Variants in KIF17 observed in about 807,000 individuals in gnomAD.
The protein encoded by KIF17 is kinesin family member 17.
A neutral mutation model predicts 96.8 loss-of-function variants in KIF17; 80 were observed. The observed-to-expected ratio is 0.83, with a 90% CI of 0.69 to 1.00. The LOEUF (loss-of-function observed/expected upper bound fraction) is 1.00. Among genes scored for constraint, KIF17 ranks in the 50% least tolerant of loss-of-function variants. The pLI is 0.00. For synonymous variants in KIF17, 567 were observed against 587.5 expected (o/e 0.97, Z 0.51); for missense variants, 1,280 against 1,372.9 (o/e 0.93, Z 1.07).
rs1297756210 is a variant in KIF17, at chr1:20,685,136, T to A, written c.2020-116A>T. ...TTCCGCCTGCTGCAGCCCCGACAGA[T>A]CACCTCCAGCTCAGGGACACCAGTG... On this transcript the variant is annotated intron_variant, in intron 9 of 14. Coordinates refer to ENST00000400463, the MANE Select transcript of KIF17 (RefSeq NM_001122819.3). The surrounding 1 kb of genome is among the most constrained non-coding windows in gnomAD (Gnocchi z 4.1). The A allele has an allele frequency of 1.3e-6, 1 of 786,462 alleles. No individual in the cohort carries two copies. Among genetic ancestry groups the A allele is most frequent in the South Asian group, 1.5e-5 (1 of 67,892 alleles). 48.7% of individuals were successfully genotyped at this position (786,462 alleles called of 1,614,324 possible).
intron 12 of KIF17, 57 bp downstream of exon 12, chr1:20,671,881 C>A: frequency 6.3e-7 from 1 of 1,591,942 alleles, no homozygotes; most frequent in Non-Finnish European, 8.5e-7. Context: ...TGCCAGTCTG[C>A]AGGATGGTAA....
chr1:20,709,626 T>C lies in KIF17; in HGVS notation c.670+13A>G, dbSNP rs376846572. 1 of 1,613,670 alleles carries C rather than the reference T, an allele frequency of 6.2e-7. No individual in the cohort carries two copies. Among genetic ancestry groups the C allele is most frequent in the Non-Finnish European group, 8.5e-7 (1 of 1,179,934 alleles). On this transcript the variant is annotated intron_variant, in intron 4 of 14. Transcript: ENST00000400463. The surrounding 1 kb of genome is among the most constrained non-coding windows in gnomAD (Gnocchi z 4.7). ...TCATCTGTCCCCCTGCCCCCAACAA[T>C]GGCCTCGCATACCCACGGCAGACAT...
chr1:20,675,566 C>T (rs373033747), intron 11 of KIF17, among the ~76,000 whole-genome samples: 3 of 152,160 alleles, frequency 2.0e-5, no homozygotes, highest in African/African-American at 7.2e-5. Flanking sequence ...GTCTTGATTA[C>T]GGTAGCTTTG....
chr1:20,663,121 G>A (rs2053466278), downstream of KIF17, among the ~76,000 whole-genome samples: 1 of 152,194 alleles, frequency 6.6e-6, no homozygotes, highest in Non-Finnish European at 1.5e-5. Context: ...CTACTCATGA[G>A]TCTGAGACAG....
In KIF17 at chr1:20,704,030, A is replaced by G. The variant is rs2054293377; in HGVS notation, c.1123+417T>C. Among the ~76,000 whole-genome samples, 1 of 152,178 alleles carries G rather than the reference A, an allele frequency of 6.6e-6. No individual in the cohort carries two copies. Among genetic ancestry groups the G allele is most frequent in the Non-Finnish European group, 1.5e-5 (1 of 68,030 alleles). On this transcript the variant is annotated intron_variant, in intron 5 of 14. Transcript: ENST00000400463. The surrounding 1 kb of genome is among the most constrained non-coding windows in gnomAD (Gnocchi z 6.8). ...GGTGACAGGCAAATGCCAGGGCGCA[A>G]AAGCTGCAGTAACAAGGTGCCTGCG...
intron 11 of KIF17, among the ~76,000 whole-genome samples, chr1:20,675,597 G>A (rs2053725227): frequency 6.6e-6 from 1 of 152,166 alleles, no homozygotes; most frequent in South Asian, 2.1e-4. Context: ...TTGCAACCAG[G>A]AAGTGTGATT....
At position 20,715,785 on chromosome 1, in the gene KIF17, C is replaced by T. The variant is rs1177208496; in HGVS notation, c.232-146G>A. The T allele has an allele frequency of 1.7e-5, 16 of 967,034 alleles. No individual in the cohort carries two copies. The East Asian group carries it at 4.2e-4, about 25-fold the overall frequency. 59.9% of individuals were successfully genotyped at this position (967,034 alleles called of 1,614,324 possible). On this transcript the variant is annotated intron_variant, in intron 1 of 14. Coordinates refer to ENST00000400463, the MANE Select transcript of KIF17 (RefSeq NM_001122819.3). ...GACTGTGGAGATAAACAAGGCGCAGCTCTGTCCTCAAGGAGTTGACTCTCT... is the reference window on the plus strand; with the variant it reads ...GACTGTGGAGATAAACAAGGCGCAGTTCTGTCCTCAAGGAGTTGACTCTCT...
intron 11 of KIF17, among the ~76,000 whole-genome samples, chr1:20,678,554 C>G (rs1380235750): frequency 6.6e-6 from 1 of 152,070 alleles, no homozygotes; most frequent in African/African-American, 2.4e-5. Context: ...CCTTAACCAG[C>G]CTACAGCATG....
chr1:20,689,528 G>A (rs1557593706), intron 7 of KIF17, among the ~76,000 whole-genome samples: 1 of 152,104 alleles, frequency 6.6e-6, no homozygotes, highest in Admixed American at 6.5e-5. Flanking sequence ...GTGTGCACCT[G>A]TAATCCCAGC....
intron 11 of KIF17, among the ~76,000 whole-genome samples, chr1:20,677,238 T>G (rs1296603287): frequency 1.3e-5 from 2 of 152,204 alleles, no homozygotes; most frequent in African/African-American, 4.8e-5. Flanking sequence ...TCCAGGTTTT[T>G]GTAAATATAC....
chr1:20,704,050 C>A lies in KIF17; in HGVS notation c.1123+397G>T, dbSNP rs1046932633. On this transcript the variant is annotated intron_variant, in intron 5 of 14. Transcript: ENST00000400463. The surrounding 1 kb of genome is among the most constrained non-coding windows in gnomAD (Gnocchi z 6.8). Reference sequence around the variant, plus strand: ...GCGCAAAAGCTGCAGTAACAAGGTGCCTGCGAGGAGCAGGTGTGGCCGTGG... The same window carrying A: ...GCGCAAAAGCTGCAGTAACAAGGTGACTGCGAGGAGCAGGTGTGGCCGTGG... 6.6e-6 allele frequency among the ~76,000 whole-genome samples: 1 copy of A among 152,048 alleles called. No homozygotes were observed. The highest frequency in any genetic ancestry group is 1.5e-5 in the Non-Finnish European group (1 of 68,000).
rs376897579 is a variant in KIF17, at chr1:20,713,470, G to C, written c.464C>G (p.Thr155Ser). The C allele has an allele frequency of 8.1e-6, 13 of 1,612,888 alleles. No homozygotes were observed. In the African/African-American group the frequency reaches 1.6e-4, roughly 20 times the overall value. ...EDVRDLLGAD[T>S]KQKLELKEHP... ...TGCACCCACCTCCAGCTTCTGCTTG[G>C]TGTCAGCCCCAAGGAGGTCCCGGAC... Residue 155 changes from threonine to serine, a missense_variant, in exon 3 of 15, where the codon ACC becomes AGC. By Grantham distance (58) the Thr-to-Ser change is moderately conservative (BLOSUM62 1). Coordinates refer to ENST00000400463, the MANE Select transcript of KIF17 (RefSeq NM_001122819.3).
At position 20,684,817 on chromosome 1, in the gene KIF17, C is replaced by A; in HGVS notation, c.2223G>T (p.Val741=). 6.3e-7 allele frequency: 1 copy of A among 1,578,866 alleles called. No homozygotes were observed. The highest frequency in any genetic ancestry group is 2.3e-5 in the East Asian group (1 of 42,608). ...DPLPVVDQQQ[V]LARLQLLEQQ... ...CATGCTCTGCTGCTTACCGGGCCAG[C>A]ACCTGCTGCTGGTCCACAACGGGCA... Residue 741 remains valine (V), a synonymous_variant, in exon 10 of 15, where the codon GTG becomes GTT. Transcript: ENST00000400463.
chr1:20,690,352 G>GCCA lies in KIF17; in HGVS notation c.1234-18_1234-17insTGG. On this transcript the variant is annotated splice_polypyrimidine_tract_variant and intron_variant, in intron 6 of 14. Transcript: ENST00000400463. ...TTCATACTCCTGGGGGGGTGGGAGG[G>GCCA]ACCAGAGGGCAGGCAGCATTTTATC... 57 of 451,056 alleles carry GCCA rather than the reference G, an allele frequency of 1.3e-4. No homozygotes were observed. Among genetic ancestry groups the GCCA allele is most frequent in the Non-Finnish European group, 2.2e-4 (51 of 235,052 alleles). The allele number at this position is 451,056 out of a possible 1,614,324, so 27.9% of individuals were successfully genotyped here.
In KIF17 at chr1:20,687,559, C is replaced by A; in HGVS notation, c.1767G>T (p.Leu589=). The A allele has an allele frequency of 6.2e-7, 1 of 1,613,868 alleles. No homozygotes were observed. The change falls in exon 8 of 15, where the codon CTG becomes CTT. Residue 589 remains leucine (L), a synonymous_variant. Transcript: ENST00000400463. This position sits in a 1 kb window ranked among gnomAD's most constrained non-coding sequence, Gnocchi z 4.4. ...GCGGGAGGTAGTTCTGTTCCCCCAG[C>A]AGGTGCCCAGCGGCCTCCTGCCCGA... The part of the protein sequence containing the change: ...ECLGQEAAGH[L]LGEQNYLPQE...
intron 2 of KIF17, among the ~76,000 whole-genome samples, chr1:20,713,896 C>A (rs373052530): frequency 2.0e-5 from 3 of 151,656 alleles, no homozygotes; most frequent in African/African-American, 4.8e-5. Context: ...CAAAACAAAA[C>A]AAAAAAAACA....
At chr1:20,679,458 C>T (rs192668822) in intron 11 of KIF17, among the ~76,000 whole-genome samples, 32 of 151,948 alleles carry the variant, frequency 2.1e-4, no homozygotes, top group African/African-American at 6.3e-4. Flanking sequence ...CCAGCCTGGG[C>T]GACAGAGTGA....
chr1:20,697,963 G>A (rs566238370), intron 6 of KIF17, among the ~76,000 whole-genome samples: 1 of 152,254 alleles, frequency 6.6e-6, no homozygotes, highest in African/African-American at 2.4e-5. Flanking sequence ...ACTTGTCGTC[G>A]GCTGCTGGGG....
intron 12 of KIF17, among the ~76,000 whole-genome samples, chr1:20,670,735 G>A (rs2053633915): frequency 1.3e-5 from 2 of 152,302 alleles, no homozygotes; most frequent in East Asian, 1.9e-4. Context: ...GCGAGGGTGG[G>A]GACAGACAGG....
Sources: allele counts gnomAD v4.1 joint callset (sites outside exome capture counted in the v4.1 genomes callset), GRCh38; gene constraint gnomAD v4.1.1; non-coding constraint Gnocchi (gnomAD v3.1); transcripts MANE v1.5; gene names NCBI Gene and HGNC (gene_info 2026-07-23, HGNC 2026-07-21).